The following LRRC1 variants were observed in gnomAD, a reference collection of about 807,000 sequenced individuals.
LRRC1 encodes leucine-rich repeat-containing protein 1.
A neutral mutation model predicts 69.9 loss-of-function variants in LRRC1; 28 were observed. That is an observed-to-expected ratio of 0.40 (90% CI 0.30 to 0.55). The LOEUF (loss-of-function observed/expected upper bound fraction) is 0.55, where lower values mean the gene tolerates loss of function less well. Among genes scored for constraint, LRRC1 ranks in the 20% least tolerant of loss-of-function variants. The pLI, the probability that LRRC1 is intolerant of heterozygous loss-of-function variation, is 0.47. For synonymous variants in LRRC1, 236 were observed against 240.2 expected (o/e 0.98, Z 0.16); for missense variants, 498 against 609.0 (o/e 0.82, Z 1.92).
chr6:53,897,559 C>T (rs945245115), intron 7 of LRRC1, among the ~76,000 whole-genome samples, 200 bp downstream of exon 7: 9 of 152,142 alleles, frequency 5.9e-5, no homozygotes, highest in African/African-American at 1.2e-4. Flanking sequence ...CTCAACCCAC[C>T]ATTTGTAAAT....
rs560463278 is a variant in LRRC1, at chr6:53,795,325, G to C, written c.69G>C (p.Ser23=). Residue 23 remains serine (S), a synonymous_variant, in exon 1 of 14, where the codon TCG becomes TCC. Transcript: ENST00000370888. ...AGAGCATCGACAAGCGCCACTGCTC[G>C]CTGGTCTACGTCCCCGAGGAGATCT... is the stretch of plus-strand genomic sequence containing the variant. ...HVESIDKRHC[S]LVYVPEEIYR... is the part of the protein sequence containing the mutation. 1.2e-6 allele frequency: 2 copies of C among 1,613,636 alleles called. No individual in the cohort carries two copies. The highest frequency in any genetic ancestry group is 4.5e-5 in the East Asian group (2 of 44,860).
chr6:53,802,216 G>A (rs1764506200), intron 1 of LRRC1, among the ~76,000 whole-genome samples: 1 of 152,206 alleles, frequency 6.6e-6, no homozygotes, highest in African/African-American at 2.4e-5. Flanking sequence ...AGTATGGAAA[G>A]ATCTTTGTTT....
intron 1 of LRRC1, among the ~76,000 whole-genome samples, chr6:53,796,613 G>T (rs963177056): frequency 6.6e-6 from 1 of 152,204 alleles, no homozygotes; most frequent in Admixed American, 6.5e-5. Context: ...AATAAGAACT[G>T]TGTGTTTTTC....
chr6:53,852,024 C>T (rs1038854342), intron 2 of LRRC1, among the ~76,000 whole-genome samples: 2 of 152,186 alleles, frequency 1.3e-5, no homozygotes, highest in Admixed American at 6.5e-5. Flanking sequence ...TGAAGTACTT[C>T]ACTTTAGGCA....
At chr6:53,902,885 A>G (rs1467024218) in intron 9 of LRRC1, 138 bp downstream of exon 9, 3 of 591,894 alleles carry the variant, frequency 5.1e-6, no homozygotes, top group Non-Finnish European at 5.9e-6. Context: ...TGACCTAAAG[A>G]TCAGTTTTTA....
chr6:53,879,948 G>A (rs927853742), intron 3 of LRRC1, among the ~76,000 whole-genome samples: 4 of 152,174 alleles, frequency 2.6e-5, no homozygotes, highest in Non-Finnish European at 4.4e-5. Context: ...TGTTTTAGAT[G>A]TCTCTTTGGG....
intron 3 of LRRC1, among the ~76,000 whole-genome samples, chr6:53,882,506 C>T (rs1253628156): frequency 2.6e-5 from 4 of 152,134 alleles, no homozygotes; most frequent in Non-Finnish European, 5.9e-5. Context: ...TTAGTTTCTG[C>T]TAATCAATAA....
rs1159097518 is a variant in LRRC1 at position 53,919,550 on chromosome 6, C to G, written c.1159C>G (p.Leu387Val). 2 of 1,612,394 alleles carry G rather than the reference C, an allele frequency of 1.2e-6. No homozygotes were observed. Among genetic ancestry groups the G allele is most frequent in the Non-Finnish European group, 1.7e-6 (2 of 1,179,548 alleles). ...TGCCTTGAAGTTGAAGGCTCTGTGGCTATCTGACAACCAGTCCCAGCCCCT... is the reference window on the plus strand; with the variant it reads ...TGCCTTGAAGTTGAAGGCTCTGTGGGTATCTGACAACCAGTCCCAGCCCCT... The part of the protein sequence containing the change: ...LTALKLKALW[L>V]SDNQSQPLLT... The change falls in exon 12 of 14, where the codon CTA becomes GTA. Residue 387 changes from leucine to valine, a missense_variant. Physicochemically the swap from Leu to Val is conservative, Grantham distance 32. Transcript: ENST00000370888.
intron 1 of LRRC1, among the ~76,000 whole-genome samples, chr6:53,799,763 A>G (rs926800026): frequency 6.6e-6 from 1 of 152,214 alleles, no homozygotes; most frequent in Non-Finnish European, 1.5e-5. Context: ...TCATATTGCA[A>G]ACTGACTGCT....
In LRRC1 at chr6:53,922,816, TC is replaced by T; in HGVS notation, c.*25del. The T allele has an allele frequency of 1.2e-6, 2 of 1,606,050 alleles. No homozygotes were observed. The highest frequency in any genetic ancestry group is 1.7e-6 in the Non-Finnish European group (2 of 1,175,096). On this transcript the variant is annotated 3_prime_UTR_variant, in exon 14 of 14. Transcript: ENST00000370888. ...TAGAGTTTCACCTCCAAGTTTTACC[TC>T]CTGTGTCTTCCTCTGCTGTCGAGAC...
intron 13 of LRRC1, 91 bp from the exon 14 acceptor site, chr6:53,922,544 T>A (rs1191398312): frequency 2.6e-6 from 3 of 1,174,512 alleles, no homozygotes; most frequent in Admixed American, 2.2e-5. Flanking sequence ...GAAGGTAACA[T>A]TTGTATTGGA....
chr6:53,893,299 C>G (rs1187924633), intron 4 of LRRC1, among the ~76,000 whole-genome samples: 1 of 152,148 alleles, frequency 6.6e-6, no homozygotes, highest in African/African-American at 2.4e-5. Flanking sequence ...CTCAGGCAAG[C>G]AAGCCTAGCT....
rs1768772712 is a variant in LRRC1, at chr6:53,922,657, C to G, written c.1439C>G (p.Thr480Ser). The G allele has an allele frequency of 6.2e-7, 1 of 1,613,972 alleles. No homozygotes were observed. Among genetic ancestry groups the G allele is most frequent in the Non-Finnish European group, 8.5e-7 (1 of 1,179,878 alleles). Residue 480 changes from threonine to serine, a missense_variant, in exon 14 of 14, where the codon ACT becomes AGT. Thr to Ser is a moderately conservative substitution (Grantham distance 58). This residue lies in a region of LRRC1 where 162 missense variants were observed against 162.9 expected (regional missense o/e 0.99). Transcript: ENST00000370888. ...NETRTLLRRA[T>S]PHPGELKHMK... ...TAGAGAACACTTCTAAGGCGAGCCA[C>G]TCCACACCCAGGGGAGTTAAAGCAC...
At position 53,922,808 on chromosome 6, in the gene LRRC1, G is replaced by A. The variant is rs1222635387; in HGVS notation, c.*15G>A. The A allele has an allele frequency of 6.2e-7, 1 of 1,609,530 alleles. No individual in the cohort carries two copies. Among genetic ancestry groups the A allele is most frequent in the Non-Finnish European group, 8.5e-7 (1 of 1,177,176 alleles). On this transcript the variant is annotated 3_prime_UTR_variant, in exon 14 of 14. Coordinates refer to ENST00000370888, the MANE Select transcript of LRRC1 (RefSeq NM_018214.5). ...CTTCTGTGTAGAGTTTCACCTCCAA[G>A]TTTTACCTCCTGTGTCTTCCTCTGC...
intron 1 of LRRC1, among the ~76,000 whole-genome samples, chr6:53,812,081 A>G (rs1764808142): frequency 6.6e-6 from 1 of 152,224 alleles, no homozygotes; most frequent in Non-Finnish European, 1.5e-5. Context: ...TGTTGGAAGC[A>G]TGGGGTTTAA....
chr6:53,833,076 C>T (rs1333167121), intron 1 of LRRC1, among the ~76,000 whole-genome samples: 5 of 152,102 alleles, frequency 3.3e-5, no homozygotes, highest in African/African-American at 1.2e-4. Context: ...GTTGATCTTT[C>T]CCTCTGAGGT....
intron 2 of LRRC1, among the ~76,000 whole-genome samples, chr6:53,868,909 A>G (rs755358093): frequency 1.1e-4 from 16 of 152,178 alleles, no homozygotes; most frequent in Non-Finnish European, 2.1e-4. Context: ...TATTTGATTC[A>G]AAGCATAGCA....
intron 1 of LRRC1, among the ~76,000 whole-genome samples, chr6:53,797,203 C>G (rs1388925340): frequency 6.6e-6 from 1 of 151,970 alleles, no homozygotes; most frequent in Non-Finnish European, 1.5e-5. Context: ...TTCTGTGATC[C>G]TAAATGGAAA....
At chr6:53,825,724 T>C (rs1263413013) in intron 1 of LRRC1, among the ~76,000 whole-genome samples, 2 of 152,166 alleles carry the variant, frequency 1.3e-5, no homozygotes, top group Admixed American at 1.3e-4. Flanking sequence ...CGCAGCAGAC[T>C]AAGAACTGGT....
Sources: gnomAD v4.1 joint callset for allele counts (sites outside exome capture counted in the v4.1 genomes callset) on GRCh38, gnomAD v4.1.1 for gene constraint, gnomAD v4.1.1 regional missense constraint, MANE v1.5 for transcripts, NCBI Gene and HGNC (gene_info 2026-07-23, HGNC 2026-07-21) for gene names.